Variants in MUC4 observed in about 807,000 individuals in gnomAD.
The protein encoded by MUC4 is mucin 4, cell surface associated.
Under a neutral mutation model 257.9 loss-of-function variants are expected in MUC4, and 202 were observed. The ratio of observed to expected loss-of-function variants is 0.78; its 90% CI spans 0.70 to 0.88. MUC4 has a LOEUF of 0.88. Ranked by LOEUF, MUC4 falls within the 40% of genes least tolerant of loss-of-function variation. The pLI, the probability that MUC4 is intolerant of heterozygous loss-of-function variation, is 0.00. For missense variants in MUC4, 5,976 were observed against 6,513.7 expected (o/e 0.92, Z 2.84); for synonymous variants, 2,351 against 2,757.1 (o/e 0.85, Z 4.62).
Position 195,778,377 on chromosome 3 carries a change from A to T in MUC4, c.12869T>A (p.Ile4290Asn). The T allele has an allele frequency of 6.2e-7, 1 of 1,613,064 alleles. No homozygotes were observed. Among genetic ancestry groups the T allele is most frequent in the Non-Finnish European group, 8.5e-7 (1 of 1,179,872 alleles). ...GGCAGTGCTGGGAATGGTGGAAATG[A>T]TGGTCTGGGAGGTTGTGGGGGGTGG... ...TSPPPTTSQT[I>N]ISTIPSTAMH... is the part of the protein sequence containing the mutation. The change falls in exon 3 of 25, where the codon ATC becomes AAC. Residue 4290 changes from isoleucine (I) to asparagine (N), a missense_variant. Coordinates refer to ENST00000463781, the MANE Select transcript of MUC4 (RefSeq NM_018406.7).
At chr3:195,747,402 C>G (rs753489164) in intron 24 of MUC4, 22 bp from the exon 25 acceptor site, 2 of 1,611,244 alleles carry the variant, frequency 1.2e-6, no homozygotes, top group Non-Finnish European at 1.7e-6. Context: ...GAGAGACAGA[C>G]AGGCGGTCAG....
chr3:195,783,882 A>T lies in MUC4; in HGVS notation c.7698T>A (p.Thr2566=), dbSNP rs1275172634. The part of the protein sequence containing the change: ...GHATSLPVTD[T]SAASTGHATP... ...TGGCGTGACCTGTGGATGCTGCGGA[A>T]GTGTCGGTGACAGGAAGAGAGGTGG... The change falls in exon 2 of 25, where the codon ACT becomes ACA. Residue 2566 remains threonine, a synonymous_variant. Transcript: ENST00000463781. 5 of 1,509,478 alleles carry T rather than the reference A, an allele frequency of 3.3e-6. No individual in the cohort carries two copies. Among genetic ancestry groups the T allele is most frequent in the Non-Finnish European group, 4.4e-6 (5 of 1,123,938 alleles). The allele number at this position is 1,509,478 out of a possible 1,614,324, so 93.5% of individuals were successfully genotyped here. A position where few individuals can be genotyped will look rare whatever the true frequency, so the allele number is the denominator to read the frequency against.
intron 1 of MUC4, among the ~76,000 whole-genome samples, chr3:195,794,315 C>A (rs988475903): frequency 2.0e-5 from 3 of 150,960 alleles, no homozygotes; most frequent in Non-Finnish European, 4.4e-5. Context: ...TTTGGGTTTT[C>A]ATTAGTTCCC....
chr3:195,765,491 G>C (rs901014762), intron 8 of MUC4, 42 bp from the exon 9 acceptor site: 2 of 1,576,084 alleles, frequency 1.3e-6, no homozygotes, highest in Non-Finnish European at 1.7e-6. Flanking sequence ...TCCAGGGCTG[G>C]GGCTGCAGGC....
In MUC4 at chr3:195,763,447, G is replaced by A; in HGVS notation, c.14239C>T (p.Leu4747=). The A allele has an allele frequency of 7.0e-7, 1 of 1,423,856 alleles. No individual in the cohort carries two copies. The highest frequency in any genetic ancestry group is 1.5e-5 in the African/African-American group (1 of 68,548). 88.2% of individuals were successfully genotyped at this position (1,423,856 alleles called of 1,614,324 possible). Reference sequence around the variant, plus strand: ...CCCTCACTCACCGTGACGGGGCCCAGGCTGCTGGAGCGGTACTGAGCCGCA... The same window carrying A: ...CCCTCACTCACCGTGACGGGGCCCAAGCTGCTGGAGCGGTACTGAGCCGCA... ...AFAAQYRSSS[L]GPVTVQWLLE... is the part of the protein sequence containing the mutation. Residue 4747 remains leucine (L), a synonymous_variant, in exon 12 of 25, where the codon CTG becomes TTG. Coordinates refer to ENST00000463781, the MANE Select transcript of MUC4 (RefSeq NM_018406.7).
In MUC4 at chr3:195,759,344, T is replaced by C. The variant is rs1201579693; in HGVS notation, c.14849-83A>G. 7.8e-6 allele frequency: 12 copies of C among 1,534,212 alleles called. No homozygotes were observed. The East Asian group carries it at 2.3e-4, about 29-fold the overall frequency. ...CCTCCTCTCTTTCTCAACTCTAATA[T>C]GTGTGAGGCATTCCCAGGACTGTGA... On this transcript the variant is annotated intron_variant, in intron 16 of 24. Coordinates refer to ENST00000463781, the MANE Select transcript of MUC4 (RefSeq NM_018406.7).
chr3:195,752,754 C>T (rs541441647), intron 20 of MUC4, among the ~76,000 whole-genome samples: 10 of 152,318 alleles, frequency 6.6e-5, no homozygotes, highest in South Asian at 4.1e-4. Flanking sequence ...GTGGCCCTCA[C>T]GCTAGGGCTC....
intron 20 of MUC4, 128 bp downstream of exon 20, chr3:195,752,923 G>T: frequency 1.1e-6 from 1 of 894,728 alleles, no homozygotes; most frequent in Non-Finnish European, 1.7e-6. Flanking sequence ...CCATCCCAGA[G>T]AAATCTGGAG....
intron 11 of MUC4, 85 bp downstream of exon 11, chr3:195,763,960 A>G: frequency 6.8e-7 from 1 of 1,469,574 alleles, no homozygotes; most frequent in South Asian, 1.3e-5. Context: ...CTCTGCCCCT[A>G]CTCCTTATCC....
At chr3:195,791,550 A>G (rs1252140985) in intron 1 of MUC4, 53 bp from the exon 2 acceptor site, 4 of 1,136,706 alleles carry the variant, frequency 3.5e-6, no homozygotes, top group Middle Eastern at 4.9e-4. Context: ...ATGAACTCCT[A>G]TTCACAATTG....
Position 195,763,562 on chromosome 3 carries a change from C to G in MUC4, c.14124G>C (p.Leu4708=), listed in dbSNP as rs1278513254. 6.3e-7 allele frequency: 1 copy of G among 1,592,796 alleles called. No individual in the cohort carries two copies. Among genetic ancestry groups the G allele is most frequent in the South Asian group, 1.1e-5 (1 of 87,408 alleles). ...AGGAGTTCCCGTCTTGGGCCCCGAC[C>G]AGCAGGAAGTCCCCCAGCCCATTGA... ...YTFNGLGDFL[L]VGAQDGNSSF... is the part of the protein sequence containing the mutation. Residue 4708 remains leucine, a synonymous_variant, in exon 12 of 25, where the codon CTG becomes CTC. Coordinates refer to ENST00000463781, the MANE Select transcript of MUC4 (RefSeq NM_018406.7).
Position 195,766,897 on chromosome 3 carries a change from C to T in MUC4, c.13530-146G>A, listed in dbSNP as rs73081318. The T allele has an allele frequency of 0.021, 14,305 of 686,272 alleles. 1,506 individuals carry two copies. The African/African-American group carries it at 0.22, about 11-fold the overall frequency. The allele number at this position is 686,272 out of a possible 1,614,324, so 42.5% of individuals were successfully genotyped here. ...GGTCAGTGGGTCAGCCAGCCCCCATCGTCAAGCCCCAGCACTGAGCAGGAG... is the reference window on the plus strand; with the variant it reads ...GGTCAGTGGGTCAGCCAGCCCCCATTGTCAAGCCCCAGCACTGAGCAGGAG... On this transcript the variant is annotated intron_variant, in intron 7 of 24. Coordinates refer to ENST00000463781, the MANE Select transcript of MUC4 (RefSeq NM_018406.7).
intron 16 of MUC4, among the ~76,000 whole-genome samples, chr3:195,760,010 C>T (rs565607881): frequency 4.0e-5 from 6 of 149,958 alleles, no homozygotes; most frequent in East Asian, 3.9e-4. Flanking sequence ...AACCTCTTCA[C>T]GGGTCTGTTT....
rs200584845 is a variant in MUC4 at position 195,781,715 on chromosome 3, A to T, written c.9865T>A (p.Ser3289Thr). Reference protein sequence around the residue: ...TSLPVTDTSSSSTGDTTPLLV... With the variant: ...TSLPVTDTSSTSTGDTTPLLV... ...AGAGGGGTGGTGTCACCTGTGGATGATGAGGAAGTGTCGGTGACAGGAAGA... is the reference window on the plus strand; with the variant it reads ...AGAGGGGTGGTGTCACCTGTGGATGTTGAGGAAGTGTCGGTGACAGGAAGA... The change falls in exon 2 of 25, where the codon TCA (serine) becomes ACA (threonine). Residue 3289 changes from serine to threonine, a missense_variant. Transcript: ENST00000463781. 3 of 1,356,736 alleles carry T rather than the reference A, an allele frequency of 2.2e-6. No individual in the cohort carries two copies. The highest frequency in any genetic ancestry group is 5.1e-5 in the African/African-American group (2 of 39,014). The allele number at this position is 1,356,736 out of a possible 1,614,324, so 84.0% of individuals were successfully genotyped here. A position where few individuals can be genotyped will look rare whatever the true frequency, so the allele number is the denominator to read the frequency against.
rs1477983375 is a variant in MUC4, at chr3:195,757,293, C to T, written c.15022G>A (p.Glu5008Lys). ...GCTAGAATCTCCAGAGTGAATGGCT[C>T]CAGCGACTTGGGTGTCCACAGCAAC... is the stretch of plus-strand genomic sequence containing the variant. ...GTLLWTPKSL[E>K]PFTLEILARS... is the part of the protein sequence containing the mutation. The change falls in exon 18 of 25, where the codon GAG (glutamate) becomes AAG (lysine). Residue 5008 changes from glutamate to lysine, a missense_variant. Glu to Lys is a moderately conservative substitution (Grantham distance 56, BLOSUM62 1). Coordinates refer to ENST00000463781, the MANE Select transcript of MUC4 (RefSeq NM_018406.7). This position sits in a 1 kb window ranked among gnomAD's most constrained non-coding sequence, Gnocchi z 4.8. 6.2e-7 allele frequency: 1 copy of T among 1,610,006 alleles called. No individual in the cohort carries two copies. Among genetic ancestry groups the T allele is most frequent in the South Asian group, 1.1e-5 (1 of 90,978 alleles).
Position 195,811,631 on chromosome 3 carries a change from TC to T in MUC4, c.82+104del. ...TCTTCGCTGTCTCCCTTTCCCCTATTCTCTCTCTCTCTCTCTCTGTCTCCCC... is the reference window on the plus strand; with the variant it reads ...TCTTCGCTGTCTCCCTTTCCCCTATTTCTCTCTCTCTCTCTCTGTCTCCCC... On this transcript the variant is annotated intron_variant, in intron 1 of 24. Coordinates refer to ENST00000463781, the MANE Select transcript of MUC4 (RefSeq NM_018406.7). 10 of 192,878 alleles carry T rather than the reference TC, an allele frequency of 5.2e-5. No homozygotes were observed. In the South Asian group the frequency reaches 7.5e-4, roughly 15 times the overall value. The allele number at this position is 192,878 out of a possible 1,614,324, so 11.9% of individuals were successfully genotyped here. A position where few individuals can be genotyped will look rare whatever the true frequency, so the allele number is the denominator to read the frequency against.
rs1456891323 is a variant in MUC4, at chr3:195,788,913, T to G, written c.2667A>C (p.Ser889=). ...ASTAGRPTGQ[S]SPTSPSASPQ... ...GAGAGGCACTGGGAGAAGTTGGGCTTGACTGTCCTGTCGGTCTCCCTGCAG... is the reference window on the plus strand; with the variant it reads ...GAGAGGCACTGGGAGAAGTTGGGCTGGACTGTCCTGTCGGTCTCCCTGCAG... Residue 889 remains serine (S), a synonymous_variant, in exon 2 of 25, where the codon TCA becomes TCC. Coordinates refer to ENST00000463781, the MANE Select transcript of MUC4 (RefSeq NM_018406.7). 1.2e-6 allele frequency: 2 copies of G among 1,613,626 alleles called. No homozygotes were observed. Among genetic ancestry groups the G allele is most frequent in the South Asian group, 2.2e-5 (2 of 91,054 alleles).
chr3:195,766,797 T>C, intron 7 of MUC4, 46 bp from the exon 8 acceptor site: 1 of 1,565,392 alleles, frequency 6.4e-7, no homozygotes, highest in Non-Finnish European at 8.8e-7. Context: ...GCACAGGCTC[T>C]TGCCTCGCGG....
intron 1 of MUC4, among the ~76,000 whole-genome samples, chr3:195,808,913 G>A (rs997489560): frequency 5.3e-5 from 8 of 152,154 alleles, no homozygotes; most frequent in Admixed American, 1.3e-4. Flanking sequence ...CCGAGGAGGG[G>A]CCCATAAAGA....
Sources: gnomAD v4.1 joint callset for allele counts (sites outside exome capture counted in the v4.1 genomes callset) on GRCh38, gnomAD v4.1.1 for gene constraint, Gnocchi (gnomAD v3.1) non-coding constraint, MANE v1.5 for transcripts, NCBI Gene and HGNC (gene_info 2026-07-23, HGNC 2026-07-21) for gene names.